CFAP58: variants seen among roughly 807,000 people sequenced by gnomAD.
The protein encoded by CFAP58 is cilia and flagella associated protein 58, also known as cilia- and flagella-associated protein 58.
CFAP58 carries 88 observed loss-of-function variants against 119.5 expected under a neutral mutation model. That is an observed-to-expected ratio of 0.74 (90% confidence interval 0.62 to 0.88). The LOEUF (loss-of-function observed/expected upper bound fraction) is 0.88, where lower values mean the gene tolerates loss of function less well. CFAP58 is among the 40% of genes least tolerant of loss of function. CFAP58 has a pLI of 0.00. For synonymous variants in CFAP58, 365 were observed against 366.3 expected, an observed-to-expected ratio of 1.00 and a Z score of 0.04; for missense variants, 990 against 1,021.2, an observed-to-expected ratio of 0.97 and a Z score of 0.42.
chr10:104,403,927 G>C, intron 14 of CFAP58, 87 bp downstream of exon 14: 1 of 758,602 alleles, frequency 1.3e-6, no homozygotes, highest in Non-Finnish European at 2.1e-6. Context: ...AATGAGAAGC[G>C]AGGTTTTATT....
Position 104,447,749 on chromosome 10 carries a change from G to T in CFAP58, c.2308G>T (p.Gly770Ter), listed in dbSNP as rs1423620297. Residue 770 changes from glycine to a stop codon, truncating the protein, a stop_gained, in exon 16 of 18, where the codon GGA becomes TGA. Transcript: ENST00000369704. LOFTEE classifies it high-confidence loss of function. ...AAAGCACGTCTTGGCCCGCCAGCCT[G>T]GACCTGAGGCTGCGGAACAGCTGAA... ...ELKHVLARQP[G>*]PEAAEQLKLY... The T allele has an allele frequency of 1.4e-5, 22 of 1,614,042 alleles. No homozygotes were observed. The East Asian group carries it at 4.7e-4, about 34-fold the overall frequency.
chr10:104,429,653 T>C (rs2012810764), intron 15 of CFAP58, among the ~76,000 whole-genome samples: 1 of 152,236 alleles, frequency 6.6e-6, no homozygotes, highest in Admixed American at 6.5e-5. Context: ...TCTTTCATTC[T>C]GCTAGGTCTC....
chr10:104,398,441 C>T (rs1032968104), intron 11 of CFAP58, among the ~76,000 whole-genome samples: 1 of 152,182 alleles, frequency 6.6e-6, no homozygotes, highest in African/African-American at 2.4e-5. Context: ...GGAGTAGTTA[C>T]GCAAATGCCT....
rs1352340384 is a variant in CFAP58, at chr10:104,447,714, A to G, written c.2273A>G (p.Tyr758Cys). 2 of 1,614,014 alleles carry G rather than the reference A, an allele frequency of 1.2e-6. No homozygotes were observed. Among genetic ancestry groups the G allele is most frequent in the African/African-American group, 1.3e-5 (1 of 74,916 alleles). Residue 758 changes from tyrosine to cysteine, a missense_variant, in exon 16 of 18, where the codon TAC (tyrosine) becomes TGC (cysteine). Transcript: ENST00000369704. ...ELLLQEKEKL[Y>C]MELKHVLARQ... ...CTCCACTAGGAAAAGGAGAAACTCT[A>G]CATGGAACTAAAGCACGTCTTGGCC...
chr10:104,403,259 C>G (rs897967445), intron 13 of CFAP58, among the ~76,000 whole-genome samples: 1 of 152,158 alleles, frequency 6.6e-6, no homozygotes, highest in East Asian at 1.9e-4. Context: ...TAGAGAAGCT[C>G]TCTTGCCTGC....
At chr10:104,357,438 CATG>C (rs2014557054) in intron 1 of CFAP58, among the ~76,000 whole-genome samples, 1 of 152,254 alleles carries the variant, frequency 6.6e-6, no homozygotes, top group African/African-American at 2.4e-5. Flanking sequence ...TATGTGATTT[CATG>C]ATATCTATGC....
chr10:104,454,858 A>C lies in CFAP58; in HGVS notation c.*328A>C, dbSNP rs2013255482. ...GTGTACTTGAAGGTTTTATATTTAA[A>C]AGTATTTTTGAAATGCAATGTGTCC... is the stretch of plus-strand genomic sequence containing the variant. On this transcript the variant is annotated 3_prime_UTR_variant, in exon 18 of 18. Coordinates refer to ENST00000369704, the MANE Select transcript of CFAP58 (RefSeq NM_001008723.2). 1.0e-5 allele frequency: 2 copies of C among 194,714 alleles called. No individual in the cohort carries two copies. The highest frequency in any genetic ancestry group is 6.0e-5 in the Admixed American group (1 of 16,642). 12.1% of individuals were successfully genotyped at this position (194,714 alleles called of 1,614,324 possible).
intron 16 of CFAP58, among the ~76,000 whole-genome samples, chr10:104,449,359 A>G (rs2013159269): frequency 1.3e-5 from 2 of 152,224 alleles, no homozygotes; most frequent in Admixed American, 6.5e-5. Flanking sequence ...TGCCTGTTAG[A>G]ACAATACCCT....
chr10:104,428,280 A>G (rs768724592), intron 15 of CFAP58, among the ~76,000 whole-genome samples: 1 of 152,070 alleles, frequency 6.6e-6, no homozygotes, highest in Non-Finnish European at 1.5e-5. Context: ...GCCCTGTGAG[A>G]GTCCTGTTCT....
In CFAP58 at chr10:104,357,790, T is replaced by C. The variant is rs1376123797; in HGVS notation, c.10-551T>C. Among the ~76,000 whole-genome samples the C allele has an allele frequency of 3.4e-5, 5 of 147,296 alleles. No homozygotes were observed. In the East Asian group the frequency reaches 7.8e-4, roughly 23 times the overall value. The stretch of plus-strand genomic sequence containing the variant: ...ATGTGTGTATATATGTGTGTTTATA[T>C]ACATATATATACACACATATATATG... On this transcript the variant is annotated intron_variant, in intron 1 of 17. Transcript: ENST00000369704.
Position 104,399,360 on chromosome 10 carries a change from G to A in CFAP58, c.1675G>A (p.Ala559Thr). 1 of 1,613,422 alleles carries A rather than the reference G, an allele frequency of 6.2e-7. No individual in the cohort carries two copies. Among genetic ancestry groups the A allele is most frequent in the South Asian group, 1.1e-5 (1 of 91,030 alleles). The change falls in exon 12 of 18, where the codon GCT becomes ACT. Residue 559 changes from alanine to threonine, a missense_variant and splice_region_variant. By Grantham distance (58) the Ala-to-Thr change is moderately conservative. Transcript: ENST00000369704. ...GCCTGTATCTTCCACTCTTTGTCAG[G>A]CTGAGCTGCAGAAGCTGAGACAACA... ...RIEKEKETLK[A>T]ELQKLRQQAL...
chr10:104,447,563 G>A, intron 15 of CFAP58, 135 bp from the exon 16 acceptor site: 1 of 1,036,850 alleles, frequency 9.6e-7, no homozygotes. Context: ...GAATGAATCT[G>A]TGAGTGAATG....
intron 15 of CFAP58, among the ~76,000 whole-genome samples, chr10:104,439,913 G>A (rs1470349308): frequency 3.9e-5 from 6 of 152,104 alleles, no homozygotes; most frequent in Non-Finnish European, 8.8e-5. Context: ...TCCGCCTTCC[G>A]GGTTCACGCC....
intron 15 of CFAP58, among the ~76,000 whole-genome samples, chr10:104,435,992 G>A (rs1017449964): frequency 6.6e-6 from 1 of 152,020 alleles, no homozygotes; most frequent in African/African-American, 2.4e-5. Flanking sequence ...AGTCATTTCC[G>A]ACTCCTCCCA....
intron 7 of CFAP58, among the ~76,000 whole-genome samples, chr10:104,375,524 G>A (rs990247033): frequency 6.6e-6 from 1 of 152,104 alleles, no homozygotes; most frequent in African/African-American, 2.4e-5. Context: ...TTCGAGACCA[G>A]CCTGGCCAAC....
intron 1 of CFAP58, among the ~76,000 whole-genome samples, chr10:104,356,981 A>G (rs2014551395): frequency 6.6e-6 from 1 of 152,232 alleles, no homozygotes; most frequent in Non-Finnish European, 1.5e-5. Context: ...GCTAACAAGA[A>G]GTAGGTGGAT....
chr10:104,348,323 T>G, the CFAP58 span, among the ~76,000 whole-genome samples: 2 of 152,198 alleles, frequency 1.3e-5, no homozygotes, highest in Non-Finnish European at 2.9e-5. Flanking sequence ...TGTTTCTGCT[T>G]TTTTGGAGGT....
chr10:104,393,316 T>C lies in CFAP58; in HGVS notation c.1528-13T>C, dbSNP rs1589919864. The C allele has an allele frequency of 1.2e-6, 2 of 1,605,256 alleles. No individual in the cohort carries two copies. The highest frequency in any genetic ancestry group is 8.5e-7 in the Non-Finnish European group (1 of 1,173,396). ...TAATTCACTTTCAAACATTTCTCCT[T>C]TCATTTGGTTAGGATGAAATAACAG... On this transcript the variant is annotated splice_polypyrimidine_tract_variant and intron_variant, in intron 10 of 17. Transcript: ENST00000369704.
At chr10:104,388,965 T>C (rs1003124015) in intron 9 of CFAP58, among the ~76,000 whole-genome samples, 1 of 152,132 alleles carries the variant, frequency 6.6e-6, no homozygotes, top group Admixed American at 6.5e-5. Context: ...TTGGATGTGA[T>C]TTATCTCATG....
Sources: gnomAD v4.1 joint callset for allele counts (sites outside exome capture counted in the v4.1 genomes callset) on GRCh38, gnomAD v4.1.1 for gene constraint, MANE v1.5 for transcripts, NCBI Gene and HGNC (gene_info 2026-07-23, HGNC 2026-07-21) for gene names.